KAZN: variants seen among roughly 807,000 people sequenced by gnomAD.
KAZN encodes kazrin, periplakin interacting protein.
A neutral mutation model predicts 87.4 loss-of-function variants in KAZN; 40 were observed. That is an observed-to-expected ratio of 0.46 (90% CI 0.36 to 0.60). The LOEUF (loss-of-function observed/expected upper bound fraction) is 0.60. KAZN is among the 20% of genes least tolerant of loss of function. The probability of loss-of-function intolerance (pLI) is 0.00; values close to 1 mark genes in which losing one functional copy is unlikely to be tolerated. For synonymous variants in KAZN, 466 were observed against 458.3 expected (o/e 1.02, Z -0.22); for missense variants, 898 against 1,073.9 (o/e 0.84, Z 2.29).
At chr1:14,541,852 C>T (rs1258676097) in intron 2 of KAZN, among the ~76,000 whole-genome samples, 4 of 152,296 alleles carry the variant, frequency 2.6e-5, no homozygotes, top group East Asian at 1.9e-4. Flanking sequence ...TCTTTAAAGG[C>T]GGCCTTCTAT....
chr1:14,597,581 C>G (rs1458778790), upstream of KAZN, among the ~76,000 whole-genome samples: 1 of 152,120 alleles, frequency 6.6e-6, no homozygotes, highest in Non-Finnish European at 1.5e-5. Context: ...GCACTCTACA[C>G]GCAGTTTTTG....
At chr1:14,572,881 T>G (rs1674956445) in intron 2 of KAZN, among the ~76,000 whole-genome samples, 1 of 152,178 alleles carries the variant, frequency 6.6e-6, no homozygotes, top group African/African-American at 2.4e-5. Context: ...TTTATGTAAG[T>G]ATTAAGTACT....
rs1573012046 is a variant in KAZN at position 14,996,182 on chromosome 1, A to C, written c.418+35307A>C. On this transcript the variant is annotated intron_variant, in intron 2 of 14. Transcript: ENST00000376030. This position sits in a 1 kb window ranked among gnomAD's most constrained non-coding sequence, Gnocchi z 5.9. ...TGGGCCTTCTGGGTCTTGGCTCTTC[A>C]TGCCCCGCCCACTCCACCCCCAGTG... is the stretch of plus-strand genomic sequence containing the variant. Among the ~76,000 whole-genome samples, 1 of 151,848 alleles carries C rather than the reference A, an allele frequency of 6.6e-6. No individual in the cohort carries two copies. The highest frequency in any genetic ancestry group is 2.4e-5 in the African/African-American group (1 of 41,334).
chr1:14,863,637 G>A (rs960747699), intron 1 of KAZN, among the ~76,000 whole-genome samples: 13 of 152,214 alleles, frequency 8.5e-5, no homozygotes, highest in Non-Finnish European at 4.4e-5. Context: ...AGAAAGATGT[G>A]TAAAGAATCA....
intron 1 of KAZN, among the ~76,000 whole-genome samples, chr1:14,173,841 A>C (rs1365059858): frequency 1.3e-5 from 2 of 152,146 alleles, no homozygotes; most frequent in Non-Finnish European, 2.9e-5. Flanking sequence ...CACCTCAGGG[A>C]CTTGGGAGTG....
intron 2 of KAZN, among the ~76,000 whole-genome samples, chr1:14,271,743 C>T (rs1651952249): frequency 6.6e-6 from 1 of 152,288 alleles, no homozygotes; most frequent in South Asian, 2.1e-4. Context: ...TCTGATTGGT[C>T]ATTGGCCATC....
intron 2 of KAZN, among the ~76,000 whole-genome samples, chr1:14,424,484 G>C (rs1420338997): frequency 6.6e-6 from 1 of 152,136 alleles, no homozygotes; most frequent in East Asian, 1.9e-4. Flanking sequence ...TCTCCTGCAA[G>C]ACTAAGCTCA....
intron 1 of KAZN, among the ~76,000 whole-genome samples, chr1:14,026,484 C>T (rs1641075476): frequency 6.6e-6 from 1 of 152,144 alleles, no homozygotes; most frequent in African/African-American, 2.4e-5. Context: ...AAACAATGGC[C>T]CTGCTGCTTG....
chr1:14,977,658 G>A (rs1665786139), intron 2 of KAZN, among the ~76,000 whole-genome samples: 1 of 152,206 alleles, frequency 6.6e-6, no homozygotes, highest in Non-Finnish European at 1.5e-5. Context: ...CTGTAGTTCG[G>A]GTGACTGCAG....
chr1:14,065,470 A>G (rs1203802980), intron 1 of KAZN, among the ~76,000 whole-genome samples: 1 of 152,124 alleles, frequency 6.6e-6, no homozygotes, highest in Non-Finnish European at 1.5e-5. Context: ...TAAAAGCATA[A>G]TTTGAATCTT....
chr1:14,079,208 A>G (rs1643580784), intron 1 of KAZN, among the ~76,000 whole-genome samples: 1 of 152,222 alleles, frequency 6.6e-6, no homozygotes, highest in Non-Finnish European at 1.5e-5. Flanking sequence ...ACATGGCAAG[A>G]GAGGGAGCAA....
intron 2 of KAZN, among the ~76,000 whole-genome samples, chr1:14,461,040 T>G (rs1667824391): frequency 6.6e-6 from 1 of 152,190 alleles, no homozygotes. Context: ...AGTTGGACTT[T>G]TTATCTGTCG....
intron 2 of KAZN, among the ~76,000 whole-genome samples, chr1:14,413,303 G>GTT (rs1664454425): frequency 6.6e-6 from 1 of 151,906 alleles, no homozygotes; most frequent in African/African-American, 2.4e-5. Context: ...CCTTTAAAAT[G>GTT]CATTTGGCCA....
At chr1:14,960,956 G>T in intron 2 of KAZN, 81 bp downstream of exon 2, 1 of 1,399,596 alleles carries the variant, frequency 7.1e-7, no homozygotes, top group South Asian at 1.4e-5. Flanking sequence ...CAGGGGAAGT[G>T]ACGCAGATGG....
At chr1:14,439,921 A>C (rs1666602947) in intron 2 of KAZN, among the ~76,000 whole-genome samples, 1 of 150,718 alleles carries the variant, frequency 6.6e-6, no homozygotes. Flanking sequence ...TTAACATCTC[A>C]CCTCCTTCAG....
At chr1:14,882,417 A>C (rs1653443418) in intron 1 of KAZN, among the ~76,000 whole-genome samples, 1 of 152,128 alleles carries the variant, frequency 6.6e-6, no homozygotes, top group South Asian at 2.1e-4. Flanking sequence ...AAGTTGTTTA[A>C]TCTCTCTTGG....
chr1:14,252,771 C>T (rs1477897690), intron 2 of KAZN, among the ~76,000 whole-genome samples: 1 of 152,144 alleles, frequency 6.6e-6, no homozygotes, highest in Non-Finnish European at 1.5e-5. Flanking sequence ...AAATAAATCC[C>T]CACGTCTCAA....
At chr1:13,951,220 A>T (rs187758036) in intron 1 of KAZN, among the ~76,000 whole-genome samples, 35 of 152,268 alleles carry the variant, frequency 2.3e-4, no homozygotes, top group Non-Finnish European at 3.4e-4. Flanking sequence ...TGGCTCCCGG[A>T]GAGGCAGCAA....
intron 1 of KAZN, among the ~76,000 whole-genome samples, chr1:14,844,900 G>T (rs1048385435): frequency 6.6e-6 from 1 of 152,074 alleles, no homozygotes; most frequent in African/African-American, 2.4e-5. Flanking sequence ...GTGGATAGAT[G>T]AGTTGGTGTT....
Sources: gnomAD v4.1 joint callset for allele counts (sites outside exome capture counted in the v4.1 genomes callset) on GRCh38, gnomAD v4.1.1 for gene constraint, Gnocchi (gnomAD v3.1) non-coding constraint, MANE v1.5 for transcripts, NCBI Gene and HGNC (gene_info 2026-07-23, HGNC 2026-07-21) for gene names.